PLEKHM2: variants seen among roughly 807,000 people sequenced by gnomAD.
The protein encoded by PLEKHM2 is pleckstrin homology domain-containing family M member 2.
A neutral mutation model predicts 116.3 loss-of-function variants in PLEKHM2; 77 were observed. The observed-to-expected ratio is 0.66, with a 90% CI of 0.55 to 0.80. The LOEUF (loss-of-function observed/expected upper bound fraction) is 0.80, where lower values mean the gene tolerates loss of function less well. Among genes scored for constraint, PLEKHM2 ranks in the 30% least tolerant of loss-of-function variants. The pLI, the probability that PLEKHM2 is intolerant of heterozygous loss-of-function variation, is 0.00. For synonymous variants in PLEKHM2, 562 were observed against 571.0 expected (o/e 0.98, Z 0.22); for missense variants, 1,183 against 1,354.9 (o/e 0.87, Z 1.99).
rs373517149 is a variant in PLEKHM2, at chr1:15,727,610, C to T, written c.1538C>T (p.Thr513Met). 58 of 1,584,672 alleles carry T rather than the reference C, an allele frequency of 3.7e-5. No homozygotes were observed. In the Admixed American group the frequency reaches 4.5e-4, roughly 12 times the overall value. Residue 513 changes from threonine (T) to methionine (M), a missense_variant, in exon 9 of 20, where the codon ACG becomes ATG. This residue lies in a region of PLEKHM2 where 594 missense variants were observed against 720.1 expected (regional missense o/e 0.82). Transcript: ENST00000375799. This position sits in a 1 kb window ranked among gnomAD's most constrained non-coding sequence, Gnocchi z 7.5. ...GAGGGAGGAGGAGGAGAGGGACAGA[C>T]GCCTCGGCCCCTAGAGGATACCACG... ...EEEGGGGEGQTPRPLEDTTRE... is the reference protein window; with the variant it reads ...EEEGGGGEGQMPRPLEDTTRE...
intron 1 of PLEKHM2, among the ~76,000 whole-genome samples, chr1:15,685,541 G>GAAAAAAAAAAAAAAAAA (rs200301672): frequency 8.2e-5 from 6 of 73,528 alleles, no homozygotes; most frequent in Admixed American, 5.6e-4. Flanking sequence ...CTCAGAAACT[G>GAAAAAAAAAAAAAAAAA]AAAAAAAAAA....
chr1:15,734,285 A>C lies in PLEKHM2; in HGVS notation c.*351A>C. The C allele has an allele frequency of 2.7e-5, 6 of 224,062 alleles. No homozygotes were observed. The highest frequency in any genetic ancestry group is 1.0e-4 in the East Asian group (1 of 9,656). 13.9% of individuals were successfully genotyped at this position (224,062 alleles called of 1,614,324 possible). ...ACACCATCCATCTAAGGACGAACAA[A>C]AGAACCAGGAGGGCGGGACCCCCCT... On this transcript the variant is annotated 3_prime_UTR_variant, in exon 20 of 20. Coordinates refer to ENST00000375799, the MANE Select transcript of PLEKHM2 (RefSeq NM_015164.4).
intron 1 of PLEKHM2, 44 bp downstream of exon 1, chr1:15,684,662 G>GC (rs1640726288): frequency 1.3e-5 from 12 of 927,512 alleles, no homozygotes; most frequent in South Asian, 9.3e-5. Flanking sequence ...TCCTCGCCGC[G>GC]CCCCCCACGC....
chr1:15,715,768 G>A (rs1468099032), intron 1 of PLEKHM2, among the ~76,000 whole-genome samples: 1 of 152,170 alleles, frequency 6.6e-6, no homozygotes, highest in African/African-American at 2.4e-5. Flanking sequence ...TTCTCAATAG[G>A]GCAAAACAAT....
Position 15,721,334 on chromosome 1 carries a change from G to T in PLEKHM2, c.658G>T (p.Asp220Tyr), listed in dbSNP as rs375501738. 6.5e-7 allele frequency: 1 copy of T among 1,538,116 alleles called. No individual in the cohort carries two copies. Among genetic ancestry groups the T allele is most frequent in the East Asian group, 2.4e-5 (1 of 40,904 alleles). Residue 220 changes from aspartate to tyrosine, a missense_variant, in exon 7 of 20, where the codon GAT becomes TAT. Physicochemically the swap from Asp to Tyr is radical, Grantham distance 160 (BLOSUM62 -3). Around this residue, in one of 3 missense-constraint regions of PLEKHM2, gnomAD observed 372 missense variants for 357.2 expected, o/e 1.04. Coordinates refer to ENST00000375799, the MANE Select transcript of PLEKHM2 (RefSeq NM_015164.4). The surrounding 1 kb of genome is among the most constrained non-coding windows in gnomAD (Gnocchi z 5.1). ...TTTGTCCCTCGTTTTTGTAGATTAT[G>T]ATTTTGGAGATGTGTTTCCAGCAGT... ...SAIAPSSEDY[D>Y]FGDVFPAVPS...
At chr1:15,703,115 C>T (rs541944098) in intron 1 of PLEKHM2, among the ~76,000 whole-genome samples, 147 of 152,300 alleles carry the variant, frequency 9.7e-4, no homozygotes, top group Non-Finnish European at 1.8e-3. Flanking sequence ...GTGTAAATAA[C>T]GTTTGGTCTC....
intron 1 of PLEKHM2, among the ~76,000 whole-genome samples, chr1:15,700,752 A>G (rs1171859223): frequency 1.3e-5 from 2 of 152,200 alleles, no homozygotes; most frequent in Admixed American, 1.3e-4. Flanking sequence ...CTTGTCTTAG[A>G]TCGCAGAGGA....
rs144815982 is a variant in PLEKHM2, at chr1:15,720,128, T to TTATATATATATATATA, written c.652+215_652+230dup. ...GGATTCTGGGCACAAAAAGCTGAAA[T>TTATATATATATATATA]TATATATATATATATATATATAAAA... On this transcript the variant is annotated intron_variant, in intron 6 of 19. Transcript: ENST00000375799. Among the ~76,000 whole-genome samples the TTATATATATATATATA allele has an allele frequency of 3.5e-5, 4 of 115,894 alleles. No individual in the cohort carries two copies. In the East Asian group the frequency reaches 6.1e-4, roughly 18 times the overall value. 76.0% of individuals were successfully genotyped at this position (115,894 alleles called of 152,430 possible).
chr1:15,689,997 C>T (rs1052450878), intron 1 of PLEKHM2, among the ~76,000 whole-genome samples: 4 of 150,698 alleles, frequency 2.7e-5, no homozygotes, highest in Admixed American at 6.6e-5. Flanking sequence ...CTCAGGTGAT[C>T]TGCCTGCTTC....
intron 1 of PLEKHM2, among the ~76,000 whole-genome samples, chr1:15,707,584 C>A (rs1185894262): frequency 6.6e-6 from 1 of 152,234 alleles, no homozygotes; most frequent in African/African-American, 2.4e-5. Context: ...GATTTTCTGC[C>A]TTTCCCCAAA....
Position 15,716,743 on chromosome 1 carries a change from G to A in PLEKHM2, c.204G>A (p.Val68=). ...TCTCCTCTGGCTACTGGGTGCTCGTGGTGCATTTTACTCGGAGAGAGGCCA... is the reference window on the plus strand; with the variant it reads ...TCTCCTCTGGCTACTGGGTGCTCGTAGTGCATTTTACTCGGAGAGAGGCCA... The part of the protein sequence containing the change: ...QDLSSGYWVL[V]VHFTRREAIK... The change falls in exon 3 of 20, where the codon GTG becomes GTA. Residue 68 remains valine (V), a synonymous_variant. Transcript: ENST00000375799. 1 of 1,579,096 alleles carries A rather than the reference G, an allele frequency of 6.3e-7. No homozygotes were observed. Among genetic ancestry groups the A allele is most frequent in the Non-Finnish European group, 8.6e-7 (1 of 1,162,396 alleles).
At position 15,729,693 on chromosome 1, in the gene PLEKHM2, C is replaced by A; in HGVS notation, c.2076-104C>A. 4 of 1,056,396 alleles carry A rather than the reference C, an allele frequency of 3.8e-6. No individual in the cohort carries two copies. The highest frequency in any genetic ancestry group is 5.5e-6 in the Non-Finnish European group (4 of 726,610). The allele number at this position is 1,056,396 out of a possible 1,614,324, so 65.4% of individuals were successfully genotyped here. On this transcript the variant is annotated intron_variant, in intron 13 of 19. Coordinates refer to ENST00000375799, the MANE Select transcript of PLEKHM2 (RefSeq NM_015164.4). The surrounding 1 kb of genome is among the most constrained non-coding windows in gnomAD (Gnocchi z 4.7). The stretch of plus-strand genomic sequence containing the variant: ...ACTGGGTCTAGCCAGGTCTCTCCCC[C>A]AAGTTTCTGTGACCCCTCCAGGCCA...
At position 15,727,651 on chromosome 1, in the gene PLEKHM2, C is replaced by T. The variant is rs1182739193; in HGVS notation, c.1579C>T (p.Leu527=). 6.3e-7 allele frequency: 1 copy of T among 1,594,050 alleles called. No individual in the cohort carries two copies. The highest frequency in any genetic ancestry group is 8.5e-7 in the Non-Finnish European group (1 of 1,171,048). ...GGATACCACGAGGGAGGCTCAGGAG[C>T]TGGAGGCCCAGCTGTCCCTGGTCAG... The part of the protein sequence containing the change: ...LEDTTREAQE[L]EAQLSLVREG... The change falls in exon 9 of 20, where the codon CTG becomes TTG. Residue 527 remains leucine (L), a synonymous_variant. Coordinates refer to ENST00000375799, the MANE Select transcript of PLEKHM2 (RefSeq NM_015164.4). This position sits in a 1 kb window ranked among gnomAD's most constrained non-coding sequence, Gnocchi z 7.5.
intron 1 of PLEKHM2, among the ~76,000 whole-genome samples, chr1:15,692,322 A>G (rs1216792293): frequency 1.3e-5 from 2 of 152,254 alleles, no homozygotes; most frequent in African/African-American, 2.4e-5. Flanking sequence ...AATAGTATCT[A>G]CACACACGTT....
chr1:15,731,711 G>A (rs1422417117), intron 16 of PLEKHM2, among the ~76,000 whole-genome samples, 178 bp from the exon 17 acceptor site: 1 of 152,134 alleles, frequency 6.6e-6, no homozygotes, highest in Admixed American at 6.5e-5. Context: ...AAGGCGGTGG[G>A]TGGGGCTCCC....
At position 15,729,978 on chromosome 1, in the gene PLEKHM2, A is replaced by T. The variant is rs202128287; in HGVS notation, c.2208+49A>T. On this transcript the variant is annotated intron_variant, in intron 14 of 19. Coordinates refer to ENST00000375799, the MANE Select transcript of PLEKHM2 (RefSeq NM_015164.4). The surrounding 1 kb of genome is among the most constrained non-coding windows in gnomAD (Gnocchi z 4.7). ...AGTGCAGCCCCTGAGATGGCAGAGC[A>T]GCAGCCGCCTTGGCGTGAGCGTTAA... 3 of 1,456,198 alleles carry T rather than the reference A, an allele frequency of 2.1e-6. No homozygotes were observed. The African/African-American group carries it at 4.3e-5, about 21-fold the overall frequency. The allele number at this position is 1,456,198 out of a possible 1,614,324, so 90.2% of individuals were successfully genotyped here.
intron 1 of PLEKHM2, among the ~76,000 whole-genome samples, chr1:15,691,579 A>G (rs1219046561): frequency 6.6e-6 from 1 of 152,090 alleles, no homozygotes; most frequent in Non-Finnish European, 1.5e-5. Context: ...ACAGTGCCTC[A>G]CCGGCGTCGG....
chr1:15,714,097 G>A (rs1008257032), intron 1 of PLEKHM2, among the ~76,000 whole-genome samples: 2 of 151,432 alleles, frequency 1.3e-5, no homozygotes, highest in Middle Eastern at 3.4e-3. Context: ...GCCTGTCACC[G>A]CACCCAGCTA....
intron 1 of PLEKHM2, among the ~76,000 whole-genome samples, chr1:15,688,028 G>A (rs749987526): frequency 1.3e-5 from 2 of 152,148 alleles, no homozygotes; most frequent in African/African-American, 2.4e-5. Flanking sequence ...GGTCCTGAGC[G>A]GACAGCTTAA....
Sources: allele counts gnomAD v4.1 joint callset (sites outside exome capture counted in the v4.1 genomes callset), GRCh38; gene constraint gnomAD v4.1.1; regional missense constraint gnomAD v4.1.1; non-coding constraint Gnocchi (gnomAD v3.1); transcripts MANE v1.5; gene names NCBI Gene and HGNC (gene_info 2026-07-23, HGNC 2026-07-21).